Variants in RSU1 observed in about 807,000 individuals in gnomAD.
RSU1 encodes the protein rsu-1.
A neutral mutation model predicts 31.1 loss-of-function variants in RSU1; 26 were observed. The observed-to-expected ratio is 0.84, with a 90% CI of 0.61 to 1.16. The LOEUF (loss-of-function observed/expected upper bound fraction) is 1.16. Ranked by LOEUF, RSU1 falls within the 50% of genes most tolerant of loss-of-function variation. The pLI, the probability that RSU1 is intolerant of heterozygous loss-of-function variation, is 0.00. For synonymous variants in RSU1, 164 were observed against 136.3 expected (o/e 1.20, Z -1.41); for missense variants, 320 against 339.1 (o/e 0.94, Z 0.44).
At chr10:16,742,775 C>T (rs1412479138) in intron 7 of RSU1, among the ~76,000 whole-genome samples, 2 of 152,180 alleles carry the variant, frequency 1.3e-5, no homozygotes, top group Admixed American at 6.5e-5. Context: ...TCACGCTGAA[C>T]CTGACACTGG....
chr10:16,602,319 T>C (rs1321317312), intron 8 of RSU1, among the ~76,000 whole-genome samples: 1 of 152,202 alleles, frequency 6.6e-6, no homozygotes, highest in Non-Finnish European at 1.5e-5. Context: ...ACATTTCCAA[T>C]GCAGCTAACG....
intron 8 of RSU1, among the ~76,000 whole-genome samples, chr10:16,604,043 T>C (rs927183057): frequency 6.6e-6 from 1 of 152,152 alleles, no homozygotes; most frequent in South Asian, 2.1e-4. Flanking sequence ...GATGATATGA[T>C]ACAGTCACCA....
intron 2 of RSU1, among the ~76,000 whole-genome samples, chr10:16,785,433 T>TATATACATATATAC (rs1554774664): frequency 1.4e-5 from 2 of 143,326 alleles, no homozygotes; most frequent in East Asian, 2.0e-4. Context: ...TATACATATA[T>TATATACATATATAC]ATATATACAC....
chr10:16,662,083 T>C (rs1399395379), intron 8 of RSU1, among the ~76,000 whole-genome samples: 1 of 152,250 alleles, frequency 6.6e-6, no homozygotes, highest in Non-Finnish European at 1.5e-5. Context: ...CTTTTAGAGA[T>C]GGTTAAAATT....
At chr10:16,643,952 C>G (rs933437842) in intron 8 of RSU1, among the ~76,000 whole-genome samples, 6 of 151,956 alleles carry the variant, frequency 3.9e-5, no homozygotes, top group African/African-American at 1.5e-4. Context: ...CAACTATTTA[C>G]ATAACGTTGA....
Position 16,669,373 on chromosome 10 carries a change from T to TC in RSU1, c.731+25649dup, listed in dbSNP as rs771659861. On this transcript the variant is annotated intron_variant, in intron 8 of 8. Transcript: ENST00000345264. The stretch of plus-strand genomic sequence containing the variant: ...TGAAATTAACATTTTCTGTTTTTTT[T>TC]CCCCCCCCAAAGCACCATACTGCTT... 1.5e-3 allele frequency among the ~76,000 whole-genome samples: 231 copies of TC among 150,794 alleles called. 1 individual carries two copies. Among genetic ancestry groups the TC allele is most frequent in the Admixed American group, 1.5e-3 (22 of 15,134 alleles).
At chr10:16,771,212 T>C (rs1837419077) in intron 3 of RSU1, among the ~76,000 whole-genome samples, 1 of 152,172 alleles carries the variant, frequency 6.6e-6, no homozygotes, top group Non-Finnish European at 1.5e-5. Flanking sequence ...CTTCATTATA[T>C]ATACGGGAGG....
At chr10:16,698,815 A>G (rs1835730956) in intron 7 of RSU1, among the ~76,000 whole-genome samples, 1 of 152,226 alleles carries the variant, frequency 6.6e-6, no homozygotes, top group Non-Finnish European at 1.5e-5. Flanking sequence ...ATTCACGATC[A>G]TCTTCACTTA....
chr10:16,731,605 A>G (rs1836513153), intron 7 of RSU1, among the ~76,000 whole-genome samples: 1 of 152,318 alleles, frequency 6.6e-6, no homozygotes, highest in African/African-American at 2.4e-5. Context: ...ACGCTAATTT[A>G]CAATCCAACA....
intron 8 of RSU1, among the ~76,000 whole-genome samples, chr10:16,671,740 C>A (rs751876055): frequency 1.3e-5 from 2 of 151,992 alleles, no homozygotes; most frequent in Non-Finnish European, 2.9e-5. Flanking sequence ...ATTCTCCTGC[C>A]TCAGCCTCCC....
intron 7 of RSU1, among the ~76,000 whole-genome samples, chr10:16,746,374 C>T (rs887554605): frequency 1.3e-5 from 2 of 152,094 alleles, no homozygotes; most frequent in African/African-American, 2.4e-5. Context: ...TTGTTGCATG[C>T]CGAGCAGACC....
At chr10:16,785,424 A>G (rs1224335793) in intron 2 of RSU1, among the ~76,000 whole-genome samples, 1 of 141,458 alleles carries the variant, frequency 7.1e-6, no homozygotes, top group East Asian at 2.0e-4. Context: ...ATATACATAT[A>G]TACATATATA....
intron 7 of RSU1, among the ~76,000 whole-genome samples, chr10:16,702,268 T>G (rs1446622020): frequency 2.0e-5 from 3 of 152,104 alleles, no homozygotes; most frequent in Non-Finnish European, 4.4e-5. Context: ...GAAGGAGAAA[T>G]ATGGGGTTGG....
intron 8 of RSU1, among the ~76,000 whole-genome samples, chr10:16,629,189 T>C (rs1460810970): frequency 6.6e-6 from 1 of 152,166 alleles, no homozygotes; most frequent in African/African-American, 2.4e-5. Context: ...CAGATTCTGA[T>C]GCGGTGGGTC....
chr10:16,654,896 A>C (rs1834750114), intron 8 of RSU1, among the ~76,000 whole-genome samples: 1 of 151,720 alleles, frequency 6.6e-6, no homozygotes, highest in African/African-American at 2.4e-5. Flanking sequence ...TCATTTCTAC[A>C]AAAATTTTTT....
chr10:16,792,218 CT>C (rs1837935112), intron 2 of RSU1, among the ~76,000 whole-genome samples: 1 of 152,140 alleles, frequency 6.6e-6, no homozygotes, highest in Non-Finnish European at 1.5e-5. Flanking sequence ...AAGGCCTTTG[CT>C]ATCTGCAAAG....
At chr10:16,726,916 T>A (rs1836408157) in intron 7 of RSU1, 1 of 386,110 alleles carries the variant, frequency 2.6e-6, no homozygotes, top group Non-Finnish European at 5.2e-6. Flanking sequence ...CAGAAGGGCG[T>A]TGCATATGGT....
intron 7 of RSU1, among the ~76,000 whole-genome samples, chr10:16,696,257 C>T (rs906088732): frequency 2.6e-5 from 4 of 152,164 alleles, no homozygotes; most frequent in Non-Finnish European, 5.9e-5. Flanking sequence ...TTGCTGTTCC[C>T]AGGTTCTACT....
intron 8 of RSU1, among the ~76,000 whole-genome samples, chr10:16,670,404 C>T (rs2131536865): frequency 6.6e-6 from 1 of 152,302 alleles, no homozygotes; most frequent in Non-Finnish European, 1.5e-5. Flanking sequence ...TACCCACAGA[C>T]ATGAATTGAT....
Sources: allele counts gnomAD v4.1 joint callset (sites outside exome capture counted in the v4.1 genomes callset), GRCh38; gene constraint gnomAD v4.1.1; transcripts MANE v1.5; gene names NCBI Gene and HGNC (gene_info 2026-07-23, HGNC 2026-07-21).